Variants in FHIT observed in about 807,000 individuals in gnomAD.
FHIT encodes fragile histidine triad diadenosine triphosphatase.
FHIT carries 19 observed loss-of-function variants against 17.9 expected under a neutral mutation model. The observed-to-expected ratio is 1.06, with a 90% confidence interval of 0.74 to 1.56. FHIT has a LOEUF of 1.56. Among genes scored for constraint, FHIT ranks in the 40% most tolerant of loss-of-function variants. The pLI, the probability that FHIT is intolerant of heterozygous loss-of-function variation, is 0.00. For missense variants in FHIT, 248 were observed against 189.2 expected, an observed-to-expected ratio of 1.31 and a Z score of -1.82; for synonymous variants, 81 against 69.7, an observed-to-expected ratio of 1.16 and a Z score of -0.81.
intron 8 of FHIT, among the ~76,000 whole-genome samples, chr3:59,755,099 T>C (rs73092678): frequency 1.9e-3 from 296 of 152,196 alleles, no homozygotes; most frequent in African/African-American, 7.0e-3. Flanking sequence ...CACACACATA[T>C]AGAAAGAATC....
At chr3:60,869,001 C>T (rs1261132012) in intron 3 of FHIT, among the ~76,000 whole-genome samples, 1 of 152,094 alleles carries the variant, frequency 6.6e-6, no homozygotes, top group Admixed American at 6.6e-5. Flanking sequence ...AGCCTGGCTT[C>T]TGTCATTCTG....
At chr3:61,227,365 C>G (rs562266408) in intron 1 of FHIT, among the ~76,000 whole-genome samples, 1 of 152,248 alleles carries the variant, frequency 6.6e-6, no homozygotes, top group South Asian at 2.1e-4. Context: ...AAAAGTTAAT[C>G]ATAATCACAT....
At chr3:60,609,333 A>ATT (rs5849380) in intron 4 of FHIT, among the ~76,000 whole-genome samples, 1 of 149,740 alleles carries the variant, frequency 6.7e-6, no homozygotes, top group African/African-American at 2.5e-5. Context: ...TTTTTTATTT[A>ATT]TTTTTTTTTT....
intron 5 of FHIT, among the ~76,000 whole-genome samples, chr3:60,246,614 G>C (rs1185784774): frequency 6.6e-6 from 1 of 152,124 alleles, no homozygotes; most frequent in Non-Finnish European, 1.5e-5. Flanking sequence ...TTAAGGGTGA[G>C]AGCGTAACTG....
At chr3:60,529,847 C>A (rs2035707797) in intron 5 of FHIT, among the ~76,000 whole-genome samples, 1 of 152,200 alleles carries the variant, frequency 6.6e-6, no homozygotes, top group African/African-American at 2.4e-5. Flanking sequence ...CTACCATTCA[C>A]TAGAATTGGA....
At chr3:60,950,569 T>G (rs1046111558) in intron 3 of FHIT, among the ~76,000 whole-genome samples, 2 of 151,752 alleles carry the variant, frequency 1.3e-5, no homozygotes, top group Non-Finnish European at 2.9e-5. Context: ...CAGGCTGGAC[T>G]GCAGTGGCAC....
intron 3 of FHIT, among the ~76,000 whole-genome samples, chr3:60,950,725 G>A (rs1362026368): frequency 1.3e-5 from 2 of 151,422 alleles, no homozygotes; most frequent in African/African-American, 2.4e-5. Context: ...GTTTCACCAT[G>A]TTGGCCAGGC....
rs544202019 is a variant in FHIT at position 61,077,485 on chromosome 3, C to CA, written c.-163-35387dup. Reference sequence around the variant, plus strand: ...TAAAAAAAACAAACAAACAAACAAACAAAAAAAAACAGCCATGCCAGTAGA... The same window carrying CA: ...TAAAAAAAACAAACAAACAAACAAACAAAAAAAAAACAGCCATGCCAGTAGA... On this transcript the variant is annotated intron_variant, in intron 2 of 9. Coordinates refer to ENST00000492590, the MANE Select transcript of FHIT (RefSeq NM_002012.4). Among the ~76,000 whole-genome samples the CA allele has an allele frequency of 9.2e-3, 1,400 of 151,404 alleles. 16 individuals carry two copies. The highest frequency in any genetic ancestry group is 0.029 in the African/African-American group (1,213 of 41,440).
At chr3:59,942,171 C>T (rs1379411006) in intron 7 of FHIT, among the ~76,000 whole-genome samples, 2 of 152,170 alleles carry the variant, frequency 1.3e-5, no homozygotes, top group African/African-American at 4.8e-5. Context: ...TTTCTCTGAC[C>T]TTTCTGAACC....
In FHIT at chr3:60,130,800, CAT is replaced by C. The variant is rs1559660784; in HGVS notation, c.104-116650_104-116649del. On this transcript the variant is annotated intron_variant, in intron 5 of 9. Coordinates refer to ENST00000492590, the MANE Select transcript of FHIT (RefSeq NM_002012.4). ...TGTGTGTGTGGTGTGTATATACACACATATATATGTGTGTATGTGTGTATAGG... is the reference window on the plus strand; with the variant it reads ...TGTGTGTGTGGTGTGTATATACACACATATATGTGTGTATGTGTGTATAGG... Among the ~76,000 whole-genome samples, 6 of 130,148 alleles carry C rather than the reference CAT, an allele frequency of 4.6e-5. No individual in the cohort carries two copies. In the South Asian group the frequency reaches 7.5e-4, roughly 16 times the overall value. The allele number at this position is 130,148 out of a possible 152,430, so 85.4% of individuals were successfully genotyped here.
chr3:59,913,690 T>C (rs1387294524), intron 8 of FHIT, among the ~76,000 whole-genome samples: 1 of 152,186 alleles, frequency 6.6e-6, no homozygotes, highest in Non-Finnish European at 1.5e-5. Context: ...GAGCAAAGAC[T>C]GCGAACTATA....
chr3:60,557,272 C>T (rs1299509442), intron 4 of FHIT, among the ~76,000 whole-genome samples: 1 of 152,134 alleles, frequency 6.6e-6, no homozygotes, highest in Non-Finnish European at 1.5e-5. Context: ...ACACTGGTCT[C>T]CTCCCCACCT....
At chr3:60,109,302 T>G (rs993246750) in intron 5 of FHIT, among the ~76,000 whole-genome samples, 2 of 152,180 alleles carry the variant, frequency 1.3e-5, no homozygotes, top group African/African-American at 4.8e-5. Context: ...ACACAAGGAA[T>G]TTATCAGCAG....
chr3:60,071,285 C>T (rs1702757525), intron 5 of FHIT, among the ~76,000 whole-genome samples: 1 of 152,194 alleles, frequency 6.6e-6, no homozygotes, highest in Non-Finnish European at 1.5e-5. Context: ...TAATTTTCTA[C>T]ACAGCTTATA....
intron 4 of FHIT, among the ~76,000 whole-genome samples, chr3:60,801,182 T>TTA (rs1386785198): frequency 6.6e-6 from 1 of 152,184 alleles, no homozygotes; most frequent in East Asian, 1.9e-4. Context: ...ATGGAAGAGA[T>TTA]TATTTATCCA....
chr3:60,324,756 G>T (rs1709605875), intron 5 of FHIT, among the ~76,000 whole-genome samples: 1 of 152,092 alleles, frequency 6.6e-6, no homozygotes, highest in Middle Eastern at 3.4e-3. Context: ...TTACTCTTTA[G>T]CTCTTTGCTT....
chr3:60,118,768 GGGC>G lies in FHIT; in HGVS notation c.104-104619_104-104617del, dbSNP rs1244427646. ...CCAGCATGTTGGGAGGCTGAGGTGG[GGGC>G]GGCGGGGGGGGGGGGGTGGTGAATC... On this transcript the variant is annotated intron_variant, in intron 5 of 9. Transcript: ENST00000492590. 1.9e-3 allele frequency among the ~76,000 whole-genome samples: 216 copies of G among 113,064 alleles called. 2 individuals carry two copies. Among genetic ancestry groups the G allele is most frequent in the African/African-American group, 6.3e-3 (209 of 32,926 alleles). The allele number at this position is 113,064 out of a possible 152,430, so 74.2% of individuals were successfully genotyped here. A position where few individuals can be genotyped will look rare whatever the true frequency, so the allele number is the denominator to read the frequency against.
At chr3:60,203,746 T>A (rs189461795) in intron 5 of FHIT, among the ~76,000 whole-genome samples, 5 of 152,038 alleles carry the variant, frequency 3.3e-5, no homozygotes, top group Non-Finnish European at 4.4e-5. Flanking sequence ...AGAGAGATGA[T>A]AGTTAATATC....
intron 5 of FHIT, among the ~76,000 whole-genome samples, chr3:60,206,149 A>AATAATAATAATAATAAT (rs1553712155): frequency 0.02 from 1,909 of 93,502 alleles, 17 homozygotes; most frequent in Middle Eastern, 0.054. Flanking sequence ...AAAAAAAAAT[A>AATAATAATAATAATAAT]AATAATAATA....
Sources: gnomAD v4.1 joint callset for allele counts (sites outside exome capture counted in the v4.1 genomes callset) on GRCh38, gnomAD v4.1.1 for gene constraint, MANE v1.5 for transcripts, NCBI Gene and HGNC (gene_info 2026-07-23, HGNC 2026-07-21) for gene names.